The following BCL6 variants were observed in gnomAD, a reference collection of about 807,000 sequenced individuals.
BCL6 encodes BCL6 transcription repressor, also known as B-cell lymphoma 6 protein.
Under a neutral mutation model 59.5 loss-of-function variants are expected in BCL6, and 7 were observed. The observed-to-expected ratio is 0.12, with a 90% CI of 0.07 to 0.22. BCL6 has a LOEUF of 0.22. Among genes scored for constraint, BCL6 ranks in the 10% least tolerant of loss-of-function variants. The probability of loss-of-function intolerance (pLI) is 1.00; values close to 1 mark genes in which losing one functional copy is unlikely to be tolerated. For synonymous variants in BCL6, 339 were observed against 349.7 expected, an observed-to-expected ratio of 0.97 and a Z score of 0.34; for missense variants, 685 against 939.4, an observed-to-expected ratio of 0.73 and a Z score of 3.54.
chr3:187,726,140 GAACA>G (rs1175011843), intron 7 of BCL6, among the ~76,000 whole-genome samples: 1 of 152,126 alleles, frequency 6.6e-6, no homozygotes, highest in Non-Finnish European at 1.5e-5. Context: ...CTCTCTTTTA[GAACA>G]AACAGATTTT....
intron 1 of BCL6, among the ~76,000 whole-genome samples, chr3:187,745,120 C>T (rs1711868853): frequency 6.6e-6 from 1 of 152,032 alleles, no homozygotes; most frequent in African/African-American, 2.4e-5. Context: ...TCAAAGACAA[C>T]AATAATAATA....
intron 6 of BCL6, among the ~76,000 whole-genome samples, chr3:187,727,205 T>G (rs1048426429): frequency 2.0e-5 from 3 of 152,244 alleles, no homozygotes; most frequent in Non-Finnish European, 4.4e-5. Context: ...AGAGATTTTC[T>G]TTCCCCAAGA....
chr3:187,732,482 C>G (rs4387955), intron 3 of BCL6: 39,033 of 233,270 alleles, frequency 0.17, 5,125 homozygotes, highest in African/African-American at 0.42. Context: ...AGACCCAACT[C>G]AAACCCCAAG....
At chr3:187,722,726 A>G in intron 9 of BCL6, 125 bp from the exon 10 acceptor site, 6 of 1,250,904 alleles carry the variant, frequency 4.8e-6, no homozygotes, top group Non-Finnish European at 1.1e-6. Flanking sequence ...CTCCAAGGCC[A>G]GGTGAAGAAC....
rs756882169 is a variant in BCL6 at position 187,729,342 on chromosome 3, T to C, written c.1063A>G (p.Ile355Val). 6.2e-7 allele frequency: 1 copy of C among 1,614,062 alleles called. No individual in the cohort carries two copies. ...GGAGGGGAGCCAGAAGCCTGGAGGA[T>C]GCAGGCATTCTTACTGCTGCAGGAC... ...TESCSSKNACILQASGSPPAK... is the reference protein window; with the variant it reads ...TESCSSKNACVLQASGSPPAK... Residue 355 changes from isoleucine to valine, a missense_variant, in exon 5 of 10, where the codon ATC becomes GTC. By Grantham distance (29) the Ile-to-Val change is conservative. Around this residue, in one of 7 missense-constraint regions of BCL6, gnomAD observed 28 missense variants for 66.4 expected, o/e 0.42. Coordinates refer to ENST00000406870, the MANE Select transcript of BCL6 (RefSeq NM_001706.5). This position sits in a 1 kb window ranked among gnomAD's most constrained non-coding sequence, Gnocchi z 5.6.
intron 1 of BCL6, among the ~76,000 whole-genome samples, chr3:187,739,051 C>G (rs1175677035): frequency 6.6e-6 from 1 of 152,170 alleles, no homozygotes; most frequent in African/African-American, 2.4e-5. Context: ...CGCCCCTCCC[C>G]TCCTTCCCAT....
chr3:187,744,770 G>C (rs551140412), intron 1 of BCL6, among the ~76,000 whole-genome samples: 7 of 152,006 alleles, frequency 4.6e-5, no homozygotes, highest in South Asian at 2.1e-4. Context: ...GAAGAGGCGA[G>C]GAAAAAGAGG....
chr3:187,725,172 C>T lies in BCL6; in HGVS notation c.1840-94G>A. 1 of 1,537,592 alleles carries T rather than the reference C, an allele frequency of 6.5e-7. No homozygotes were observed. The highest frequency in any genetic ancestry group is 8.9e-7 in the Non-Finnish European group (1 of 1,123,396). Reference sequence around the variant, plus strand: ...GCACACAGCCAGTGAGTGGGCCTTTCTCCAGGCCACTCTGCTCACCTGCAC... The same window carrying T: ...GCACACAGCCAGTGAGTGGGCCTTTTTCCAGGCCACTCTGCTCACCTGCAC... On this transcript the variant is annotated intron_variant, in intron 8 of 9. Transcript: ENST00000406870. The surrounding 1 kb of genome is among the most constrained non-coding windows in gnomAD (Gnocchi z 4.7).
chr3:187,733,835 CA>C, intron 2 of BCL6, 132 bp from the exon 3 acceptor site: 2 of 864,678 alleles, frequency 2.3e-6, no homozygotes, highest in South Asian at 2.9e-5. Flanking sequence ...GATCTTTGAA[CA>C]ATTCATAGTC....
At position 187,725,889 on chromosome 3, in the gene BCL6, T is replaced by C. The variant is rs1718666487; in HGVS notation, c.1709-260A>G. On this transcript the variant is annotated intron_variant, in intron 7 of 9. Transcript: ENST00000406870. This position sits in a 1 kb window ranked among gnomAD's most constrained non-coding sequence, Gnocchi z 4.7. Reference sequence around the variant, plus strand: ...CACGGAGTAGCAACAATGCCAGGTGTGGGATAGGAGAGGGGGAGATTCCAG... The same window carrying C: ...CACGGAGTAGCAACAATGCCAGGTGCGGGATAGGAGAGGGGGAGATTCCAG... 6.6e-6 allele frequency among the ~76,000 whole-genome samples: 1 copy of C among 152,134 alleles called. No individual in the cohort carries two copies. The highest frequency in any genetic ancestry group is 2.1e-4 in the South Asian group (1 of 4,828).
chr3:187,744,541 A>G (rs575115987), intron 1 of BCL6, among the ~76,000 whole-genome samples: 3 of 152,310 alleles, frequency 2.0e-5, no homozygotes, highest in East Asian at 1.9e-4. Flanking sequence ...AGGAAATAGT[A>G]GACACGATAC....
At chr3:187,739,116 C>T (rs3821817) in intron 1 of BCL6, among the ~76,000 whole-genome samples, 416 of 152,226 alleles carry the variant, frequency 2.7e-3, no homozygotes, top group Non-Finnish European at 4.4e-3. Context: ...GCCCTTCCCC[C>T]CTCCTCTCCA....
intron 9 of BCL6, among the ~76,000 whole-genome samples, chr3:187,723,800 G>T (rs989043010): frequency 6.6e-6 from 1 of 152,124 alleles, no homozygotes; most frequent in Non-Finnish European, 1.5e-5. Flanking sequence ...AATGGCCTGG[G>T]TCAATACAGG....
chr3:187,743,462 CA>C (rs1711695041), intron 1 of BCL6, among the ~76,000 whole-genome samples: 1 of 152,048 alleles, frequency 6.6e-6, no homozygotes, highest in Non-Finnish European at 1.5e-5. Context: ...CAGGACCCCC[CA>C]CCCCCAAACC....
intron 1 of BCL6, among the ~76,000 whole-genome samples, chr3:187,744,974 A>T (rs1576886041): frequency 6.7e-6 from 1 of 150,236 alleles, no homozygotes; most frequent in Non-Finnish European, 1.5e-5. Context: ...AGCCCGAATC[A>T]CCCCCCAAGC....
intron 1 of BCL6, among the ~76,000 whole-genome samples, chr3:187,744,390 G>A (rs759608452): frequency 6.6e-6 from 1 of 150,672 alleles, no homozygotes; most frequent in African/African-American, 2.4e-5. Context: ...GAGAGCGCGC[G>A]GAGGTTCCCG....
In BCL6 at chr3:187,722,522, T is replaced by G; in HGVS notation, c.2057A>C (p.Asn686Thr). Residue 686 changes from asparagine (N) to threonine (T), a missense_variant, in exon 10 of 10, where the codon AAC (asparagine) becomes ACC (threonine). Physicochemically the swap from Asn to Thr is moderately conservative, Grantham distance 65 (BLOSUM62 0). This residue lies in a region of BCL6 where 38 missense variants were observed against 97.9 expected (regional missense o/e 0.39). Transcript: ENST00000406870. The part of the protein sequence containing the change: ...HLRQKHGAIT[N>T]TKVQYRVSAT... ...TGACACGCGGTATTGCACCTTGGTG[T>G]TGGTGATGGCGCCATGCTTCTGGCG... is the stretch of plus-strand genomic sequence containing the variant. 1 of 1,613,980 alleles carries G rather than the reference T, an allele frequency of 6.2e-7. No homozygotes were observed. Among genetic ancestry groups the G allele is most frequent in the Non-Finnish European group, 8.5e-7 (1 of 1,179,966 alleles).
chr3:187,734,266 A>T (rs1560154334), intron 2 of BCL6, among the ~76,000 whole-genome samples: 2 of 151,804 alleles, frequency 1.3e-5, no homozygotes, highest in Non-Finnish European at 2.9e-5. Context: ...TGGGTCTCAA[A>T]CTCCTGACCT....
intron 1 of BCL6, among the ~76,000 whole-genome samples, chr3:187,745,140 T>C (rs1711873266): frequency 2.0e-5 from 3 of 151,968 alleles, no homozygotes; most frequent in South Asian, 2.1e-4. Context: ...AATAAATACA[T>C]AACAATCTAT....
Sources: gnomAD v4.1 joint callset for allele counts (sites outside exome capture counted in the v4.1 genomes callset) on GRCh38, gnomAD v4.1.1 for gene constraint, gnomAD v4.1.1 regional missense constraint, Gnocchi (gnomAD v3.1) non-coding constraint, MANE v1.5 for transcripts, NCBI Gene and HGNC (gene_info 2026-07-23, HGNC 2026-07-21) for gene names.